WWOX: variants seen among roughly 807,000 people sequenced by gnomAD.
The protein encoded by WWOX is WW domain-containing oxidoreductase.
Under a neutral mutation model 46.2 loss-of-function variants are expected in WWOX, and 69 were observed. The ratio of observed to expected loss-of-function variants is 1.49; its 90% CI spans 1.23 to 1.82. The LOEUF is 1.82. Among genes scored for constraint, WWOX ranks in the 40% most tolerant of loss-of-function variants. The probability of loss-of-function intolerance (pLI) is 0.00; values close to 1 mark genes in which losing one functional copy is unlikely to be tolerated. For missense variants in WWOX, 919 were observed against 542.6 expected, an observed-to-expected ratio of 1.69 and a Z score of -6.89; for synonymous variants, 359 against 202.6, an observed-to-expected ratio of 1.77 and a Z score of -6.56.
chr16:78,591,731 G>C (rs11860155), intron 8 of WWOX, among the ~76,000 whole-genome samples: 21,868 of 152,206 alleles, frequency 0.14, 2,842 homozygotes, highest in African/African-American at 0.35. Flanking sequence ...ACCTGATTGA[G>C]TAACTGCTCT....
intron 8 of WWOX, among the ~76,000 whole-genome samples, chr16:79,143,482 T>G (rs529238072): frequency 6.6e-6 from 1 of 152,318 alleles, no homozygotes; most frequent in South Asian, 2.1e-4. Flanking sequence ...TCTTCGACTT[T>G]AATAGATTTT....
At chr16:78,629,480 C>G (rs543559130) in intron 8 of WWOX, among the ~76,000 whole-genome samples, 8 of 152,210 alleles carry the variant, frequency 5.3e-5, no homozygotes, top group African/African-American at 1.9e-4. Flanking sequence ...GAAATCTGAT[C>G]TTGCCACCAC....
At chr16:78,763,876 T>G (rs1170592876) in intron 8 of WWOX, among the ~76,000 whole-genome samples, 1 of 152,176 alleles carries the variant, frequency 6.6e-6, no homozygotes, top group Non-Finnish European at 1.5e-5. Context: ...TTGGGGAGTC[T>G]GTATGCAATT....
chr16:79,039,484 G>A (rs1420674589), intron 8 of WWOX, among the ~76,000 whole-genome samples: 1 of 152,158 alleles, frequency 6.6e-6, no homozygotes, highest in Non-Finnish European at 1.5e-5. Context: ...CGACGCATTT[G>A]CCCATCGTAA....
chr16:78,617,111 T>A (rs1338178332), intron 8 of WWOX, among the ~76,000 whole-genome samples: 1 of 152,116 alleles, frequency 6.6e-6, no homozygotes, highest in East Asian at 1.9e-4. Flanking sequence ...CTGGTCAGTT[T>A]AGTCTTTAAA....
chr16:78,714,800 C>G (rs879649077), intron 8 of WWOX, among the ~76,000 whole-genome samples: 1 of 152,020 alleles, frequency 6.6e-6, no homozygotes, highest in South Asian at 2.1e-4. Flanking sequence ...GCCTTGTAAA[C>G]CAAGGTGAGG....
At chr16:79,150,754 C>A (rs143387418) in intron 8 of WWOX, among the ~76,000 whole-genome samples, 72 of 152,286 alleles carry the variant, frequency 4.7e-4, no homozygotes, top group African/African-American at 1.4e-3. Flanking sequence ...TGACTTTACC[C>A]CTTTGGCCTC....
chr16:79,003,865 G>T (rs888393779), intron 8 of WWOX, among the ~76,000 whole-genome samples: 1 of 152,152 alleles, frequency 6.6e-6, no homozygotes. Flanking sequence ...CTGGGATTAA[G>T]GGGAAGGGAC....
intron 8 of WWOX, among the ~76,000 whole-genome samples, chr16:79,102,681 G>C (rs1191891527): frequency 6.6e-6 from 1 of 152,064 alleles, no homozygotes; most frequent in African/African-American, 2.4e-5. Flanking sequence ...AATAGCCACT[G>C]CATAAAGATG....
intron 5 of WWOX, among the ~76,000 whole-genome samples, chr16:78,317,612 T>TG (rs1180074829): frequency 2.6e-5 from 4 of 152,080 alleles, no homozygotes; most frequent in Non-Finnish European, 5.9e-5. Context: ...TGCACACACT[T>TG]GCGTAAAGTG....
chr16:78,101,627 T>G (rs1349985341), intron 1 of WWOX, among the ~76,000 whole-genome samples: 1 of 152,230 alleles, frequency 6.6e-6, no homozygotes, highest in South Asian at 2.1e-4. Flanking sequence ...GCCCAGAATT[T>G]CTGATTTAAT....
At chr16:79,158,981 A>G (rs1463676522) in intron 8 of WWOX, among the ~76,000 whole-genome samples, 2 of 152,184 alleles carry the variant, frequency 1.3e-5, no homozygotes, top group African/African-American at 2.4e-5. Flanking sequence ...TAAAAACCAC[A>G]TTGCTCTTCA....
chr16:78,488,599 C>T (rs1047902897), intron 8 of WWOX, among the ~76,000 whole-genome samples: 37 of 152,190 alleles, frequency 2.4e-4, no homozygotes, highest in African/African-American at 7.9e-4. Context: ...CCCGAGAGAC[C>T]GTGGAGCTGC....
intron 5 of WWOX, among the ~76,000 whole-genome samples, chr16:78,252,272 A>T (rs952205727): frequency 6.6e-5 from 10 of 151,720 alleles, no homozygotes; most frequent in Admixed American, 3.3e-4. Context: ...TGCTTTATTT[A>T]AAAAAAATCA....
At chr16:78,775,936 A>G (rs2050180153) in intron 8 of WWOX, among the ~76,000 whole-genome samples, 1 of 152,216 alleles carries the variant, frequency 6.6e-6, no homozygotes, top group African/African-American at 2.4e-5. Flanking sequence ...GTCAGTGGCC[A>G]TCACTACTCT....
chr16:78,973,544 T>C (rs2046513203), intron 8 of WWOX, among the ~76,000 whole-genome samples: 2 of 152,162 alleles, frequency 1.3e-5, no homozygotes, highest in Non-Finnish European at 2.9e-5. Context: ...TTTATTTTCT[T>C]TTTGCTTTCT....
chr16:78,712,579 T>G (rs2048466277), intron 8 of WWOX, among the ~76,000 whole-genome samples: 1 of 152,178 alleles, frequency 6.6e-6, no homozygotes, highest in South Asian at 2.1e-4. Flanking sequence ...ATGCTCATTT[T>G]GATTTGGATT....
At chr16:79,156,075 G>A (rs1026947983) in intron 8 of WWOX, among the ~76,000 whole-genome samples, 1 of 152,122 alleles carries the variant, frequency 6.6e-6, no homozygotes, top group Non-Finnish European at 1.5e-5. Context: ...CCTCTTCAAC[G>A]ACTGGAATTT....
chr16:79,165,239 A>G (rs1406021008), intron 8 of WWOX, among the ~76,000 whole-genome samples: 1 of 152,102 alleles, frequency 6.6e-6, no homozygotes, highest in East Asian at 1.9e-4. Flanking sequence ...TACTCATGGT[A>G]ACGGCTTCCG....
Sources: allele counts gnomAD v4.1 joint callset (sites outside exome capture counted in the v4.1 genomes callset), GRCh38; gene constraint gnomAD v4.1.1; transcripts MANE v1.5; gene names NCBI Gene and HGNC (gene_info 2026-07-23, HGNC 2026-07-21).